NELL1: variants seen among roughly 807,000 people sequenced by gnomAD.
The protein encoded by NELL1 is neural EGFL like 1.
Under a neutral mutation model 107.4 loss-of-function variants are expected in NELL1, and 76 were observed. The observed-to-expected ratio is 0.71, with a 90% CI of 0.59 to 0.86. NELL1 has a LOEUF of 0.86. NELL1 is among the 40% of genes least tolerant of loss of function. The pLI, the probability that NELL1 is intolerant of heterozygous loss-of-function variation, is 0.00. For missense variants in NELL1, 1,024 were observed against 1,005.5 expected, an observed-to-expected ratio of 1.02 and a Z score of -0.25; for synonymous variants, 353 against 341.2, an observed-to-expected ratio of 1.03 and a Z score of -0.38.
intron 12 of NELL1, among the ~76,000 whole-genome samples, chr11:21,081,902 A>G (rs971193225): frequency 6.6e-6 from 1 of 152,188 alleles, no homozygotes; most frequent in African/African-American, 2.4e-5. Flanking sequence ...AGGAACTACT[A>G]TAGCCCTTAA....
chr11:20,801,767 A>G (rs1008886149), intron 3 of NELL1, among the ~76,000 whole-genome samples: 1 of 152,148 alleles, frequency 6.6e-6, no homozygotes, highest in Non-Finnish European at 1.5e-5. Context: ...ATGGCAAGAG[A>G]TAGGGGTCTA....
At chr11:20,868,919 C>T (rs939552961) in intron 4 of NELL1, among the ~76,000 whole-genome samples, 7 of 152,098 alleles carry the variant, frequency 4.6e-5, no homozygotes, top group African/African-American at 1.7e-4. Context: ...GTAGCATTTT[C>T]AAGAAAACTC....
chr11:20,786,224 C>G (rs1451362061), intron 3 of NELL1, among the ~76,000 whole-genome samples: 1 of 151,728 alleles, frequency 6.6e-6, no homozygotes, highest in African/African-American at 2.4e-5. Context: ...GTAGTGCATG[C>G]CTGTAATCCC....
chr11:20,723,735 G>GGA (rs1855446097), intron 2 of NELL1, among the ~76,000 whole-genome samples: 1 of 152,116 alleles, frequency 6.6e-6, no homozygotes, highest in African/African-American at 2.4e-5. Context: ...GACTCTGTGG[G>GGA]GGGGGGCTCC....
intron 14 of NELL1, among the ~76,000 whole-genome samples, chr11:21,337,748 C>CTTTCTT (rs1565175219): frequency 2.5e-5 from 3 of 122,254 alleles, no homozygotes; most frequent in Non-Finnish European, 3.3e-5. Context: ...TTCTTTCTTT[C>CTTTCTT]TTTCTTTCTT....
At chr11:20,691,756 G>C (rs1490755954) in intron 2 of NELL1, among the ~76,000 whole-genome samples, 1 of 151,790 alleles carries the variant, frequency 6.6e-6, no homozygotes, top group African/African-American at 2.4e-5. Context: ...TTTTTTGGTT[G>C]TGTCTCTGAC....
intron 12 of NELL1, among the ~76,000 whole-genome samples, chr11:20,967,174 T>C (rs904205662): frequency 3.3e-5 from 5 of 152,078 alleles, no homozygotes; most frequent in Admixed American, 2.0e-4. Flanking sequence ...TTCAGGCCAG[T>C]TCATAGAAGC....
intron 15 of NELL1, among the ~76,000 whole-genome samples, chr11:21,507,787 CT>C (rs201588738): frequency 1.2e-3 from 167 of 144,516 alleles, no homozygotes; most frequent in Non-Finnish European, 1.5e-3. Flanking sequence ...CTTTTCTTTT[CT>C]TTTTTTTTTT....
chr11:21,531,868 A>G (rs981037804), intron 15 of NELL1, among the ~76,000 whole-genome samples: 1 of 152,150 alleles, frequency 6.6e-6, no homozygotes, highest in African/African-American at 2.4e-5. Context: ...TAAATTCCCC[A>G]AAGTGTTGCT....
chr11:21,016,050 G>A (rs1852557319), intron 12 of NELL1, among the ~76,000 whole-genome samples: 1 of 152,088 alleles, frequency 6.6e-6, no homozygotes, highest in African/African-American at 2.4e-5. Context: ...GTCCTGCAAT[G>A]AGAAGCGACT....
At chr11:21,552,757 C>A (rs1428246617) in intron 16 of NELL1, among the ~76,000 whole-genome samples, 4 of 151,766 alleles carry the variant, frequency 2.6e-5, no homozygotes, top group Non-Finnish European at 5.9e-5. Context: ...AGAAAAGACA[C>A]CATGAGATCA....
At chr11:21,118,946 A>T (rs1039847227) in intron 13 of NELL1, among the ~76,000 whole-genome samples, 1 of 152,064 alleles carries the variant, frequency 6.6e-6, no homozygotes, top group Admixed American at 6.6e-5. Context: ...TGGATGATTG[A>T]TTAATTAATT....
At chr11:21,232,163 T>A (rs866633982) in intron 14 of NELL1, among the ~76,000 whole-genome samples, 9,238 of 76,198 alleles carry the variant, frequency 0.12, 501 homozygotes, top group Non-Finnish European at 0.15. Flanking sequence ...AAAAAAAATA[T>A]ATATATATAT....
chr11:20,813,153 G>A (rs957580154), intron 3 of NELL1, among the ~76,000 whole-genome samples: 4 of 149,792 alleles, frequency 2.7e-5, no homozygotes, highest in South Asian at 2.1e-4. Context: ...ATTGTTTTCT[G>A]CAGGTTACTC....
rs535947541 is a variant in NELL1 at position 20,917,863 on chromosome 11, A to G, written c.604-319A>G. 2.0e-5 allele frequency among the ~76,000 whole-genome samples: 3 copies of G among 152,138 alleles called. No individual in the cohort carries two copies. In the South Asian group the frequency reaches 6.2e-4, roughly 32 times the overall value. On this transcript the variant is annotated intron_variant, in intron 5 of 19. Transcript: ENST00000357134. ...AAATCCTGTAAATCAGCAATATTTA[A>G]TATTCCAGGATGATTAGGGCATTAA...
chr11:21,432,958 T>G (rs376539082), intron 15 of NELL1, among the ~76,000 whole-genome samples: 7 of 152,140 alleles, frequency 4.6e-5, no homozygotes, highest in East Asian at 3.9e-4. Context: ...TAGAAGTTAT[T>G]TCTCCCATCT....
At chr11:21,098,689 A>T (rs1378826011) in intron 12 of NELL1, among the ~76,000 whole-genome samples, 5 of 152,174 alleles carry the variant, frequency 3.3e-5, no homozygotes, top group Non-Finnish European at 5.9e-5. Flanking sequence ...TGTGAGGAAG[A>T]AGAAGCTGTC....
chr11:20,796,161 G>A (rs1001170582), intron 3 of NELL1, among the ~76,000 whole-genome samples: 11 of 152,076 alleles, frequency 7.2e-5, no homozygotes, highest in Non-Finnish European at 1.2e-4. Flanking sequence ...TGTTGGGACC[G>A]TCCCACCATT....
At chr11:21,022,187 T>G (rs1017855293) in intron 12 of NELL1, among the ~76,000 whole-genome samples, 2 of 152,152 alleles carry the variant, frequency 1.3e-5, no homozygotes, top group Non-Finnish European at 2.9e-5. Flanking sequence ...TTCTAAAATG[T>G]TGAAACCCTA....
Sources: allele counts gnomAD v4.1 joint callset (sites outside exome capture counted in the v4.1 genomes callset), GRCh38; gene constraint gnomAD v4.1.1; transcripts MANE v1.5; gene names NCBI Gene and HGNC (gene_info 2026-07-23, HGNC 2026-07-21).